Variants in NAA16 observed in about 807,000 individuals in gnomAD.
The protein encoded by NAA16 is N-alpha-acetyltransferase 16, NatA auxiliary subunit, also known as NARG1-like protein.
NAA16 carries 97 observed loss-of-function variants against 110.3 expected under a neutral mutation model. That is an observed-to-expected ratio of 0.88 (90% CI 0.75 to 1.04). The LOEUF (loss-of-function observed/expected upper bound fraction) is 1.04, where lower values mean the gene tolerates loss of function less well. Ranked by LOEUF, NAA16 falls within the 50% of genes least tolerant of loss-of-function variation. The pLI is 0.00. For synonymous variants in NAA16, 372 were observed against 330.6 expected, an observed-to-expected ratio of 1.13 and a Z score of -1.36; for missense variants, 1,017 against 1,005.1, an observed-to-expected ratio of 1.01 and a Z score of -0.16.
Position 41,324,373 on chromosome 13 carries a change from T to C in NAA16, c.537+1183T>C, listed in dbSNP as rs938371345. 3.1e-3 allele frequency among the ~76,000 whole-genome samples: 408 copies of C among 129,882 alleles called. 1 individual carries two copies. Among genetic ancestry groups the C allele is most frequent in the Non-Finnish European group, 5.2e-3 (318 of 61,258 alleles). 85.2% of individuals were successfully genotyped at this position (129,882 alleles called of 152,430 possible). A position where few individuals can be genotyped will look rare whatever the true frequency, so the allele number is the denominator to read the frequency against. On this transcript the variant is annotated intron_variant, in intron 5 of 19. Coordinates refer to ENST00000379406, the MANE Select transcript of NAA16 (RefSeq NM_024561.5). ...GCAATTTCTTTCTTTCTTTTTTTTT[T>C]TTTTTTTTTTTTTTTTTTTTGAGAC...
intron 8 of NAA16, among the ~76,000 whole-genome samples, chr13:41,334,960 T>C (rs1289179376): frequency 6.6e-6 from 1 of 152,218 alleles, no homozygotes; most frequent in Non-Finnish European, 1.5e-5. Context: ...GATGGATTGC[T>C]GCGCACCTGG....
chr13:41,313,861 T>G (rs1292625660), intron 1 of NAA16, among the ~76,000 whole-genome samples: 1 of 114,596 alleles, frequency 8.7e-6, no homozygotes, highest in Non-Finnish European at 1.9e-5. Flanking sequence ...GAATGTAGAT[T>G]TGTCTTTTTT....
At chr13:41,353,815 T>G (rs1285708982) in intron 9 of NAA16, among the ~76,000 whole-genome samples, 1 of 151,456 alleles carries the variant, frequency 6.6e-6, no homozygotes, top group African/African-American at 2.4e-5. Flanking sequence ...CAAAACAGAT[T>G]GTACAGAATA....
intron 10 of NAA16, among the ~76,000 whole-genome samples, chr13:41,356,599 G>A (rs1049686689): frequency 6.6e-6 from 1 of 152,094 alleles, no homozygotes; most frequent in Non-Finnish European, 1.5e-5. Flanking sequence ...TCCAAAAGAA[G>A]TCTTTGTGTT....
At chr13:41,356,625 T>C (rs1237420864) in intron 10 of NAA16, among the ~76,000 whole-genome samples, 3 of 152,342 alleles carry the variant, frequency 2.0e-5, no homozygotes, top group Admixed American at 6.5e-5. Flanking sequence ...TATTTGAGTA[T>C]AGATCCAGTT....
intron 1 of NAA16, among the ~76,000 whole-genome samples, chr13:41,312,379 G>A (rs550037093): frequency 2.0e-5 from 3 of 152,286 alleles, no homozygotes; most frequent in African/African-American, 7.2e-5. Context: ...CCGCTGCGGA[G>A]CCGGGTGGGC....
At chr13:41,326,626 C>G (rs2042098721) in intron 6 of NAA16, among the ~76,000 whole-genome samples, 1 of 152,148 alleles carries the variant, frequency 6.6e-6, no homozygotes, top group Admixed American at 6.5e-5. Context: ...AGGTTAAGGA[C>G]TTGCCCAAAG....
chr13:41,337,542 CAAA>C (rs11370011), intron 9 of NAA16, among the ~76,000 whole-genome samples: 1 of 134,384 alleles, frequency 7.4e-6, no homozygotes, highest in African/African-American at 2.8e-5. Context: ...GACTCCGTCT[CAAA>C]AAAAAAAAAA....
In NAA16 at chr13:41,372,976, C is replaced by T. The variant is rs1265302221; in HGVS notation, c.2155+146C>T. 7 of 1,106,100 alleles carry T rather than the reference C, an allele frequency of 6.3e-6. No homozygotes were observed. In the African/African-American group the frequency reaches 1.1e-4, roughly 18 times the overall value. The allele number at this position is 1,106,100 out of a possible 1,614,324, so 68.5% of individuals were successfully genotyped here. A position where few individuals can be genotyped will look rare whatever the true frequency, so the allele number is the denominator to read the frequency against. ...GATTTGTATTTTCATGATACAAATC[C>T]TCTGATCATGGCCCAAGCTGTCAGT... On this transcript the variant is annotated intron_variant, in intron 17 of 19. Transcript: ENST00000379406.
intron 4 of NAA16, 84 bp from the exon 5 acceptor site, chr13:41,322,972 A>G (rs2139385624): frequency 1.7e-6 from 2 of 1,189,768 alleles, no homozygotes; most frequent in Non-Finnish European, 2.5e-6. Flanking sequence ...TTCATTAGAA[A>G]TGTGTTAAAG....
intron 6 of NAA16, 70 bp downstream of exon 6, chr13:41,325,921 T>C: frequency 7.8e-7 from 1 of 1,280,896 alleles, no homozygotes; most frequent in Non-Finnish European, 1.1e-6. Flanking sequence ...TATTCTCTCC[T>C]AAGTCTTACG....
rs1355407382 is a variant in NAA16, at chr13:41,358,949, C to G, written c.1397C>G (p.Ser466Cys). Residue 466 changes from serine to cysteine, a missense_variant, in exon 12 of 20, where the codon TCC becomes TGC. By Grantham distance (112) the Ser-to-Cys change is moderately radical. Transcript: ENST00000379406. Reference protein sequence around the residue: ...NMIKEAEEMCSKFTREGTSAM... With the variant: ...NMIKEAEEMCCKFTREGTSAM... ...ATAAAAGAAGCAGAGGAAATGTGCT[C>G]CAAGTTCACAAGGGTAGGAAATAGC... 1 of 1,607,192 alleles carries G rather than the reference C, an allele frequency of 6.2e-7. No individual in the cohort carries two copies. The highest frequency in any genetic ancestry group is 1.1e-5 in the South Asian group (1 of 90,280).
intron 7 of NAA16, among the ~76,000 whole-genome samples, chr13:41,330,994 T>C (rs1326014013): frequency 1.3e-5 from 2 of 152,074 alleles, no homozygotes; most frequent in East Asian, 3.9e-4. Context: ...GCAGCATATC[T>C]TGAGTCTGTG....
chr13:41,351,522 A>C (rs1350819254), intron 9 of NAA16, among the ~76,000 whole-genome samples: 1 of 152,312 alleles, frequency 6.6e-6, no homozygotes, highest in Admixed American at 6.5e-5. Context: ...TTGCGAAAAA[A>C]ATGTGTATCG....
intron 18 of NAA16, chr13:41,374,342 A>G (rs2043386868): frequency 6.4e-6 from 1 of 155,062 alleles, no homozygotes; most frequent in Non-Finnish European, 1.4e-5. Context: ...TAGATGTTTT[A>G]TTTTAGAATA....
At chr13:41,358,710 G>T (rs2043046879) in intron 11 of NAA16, 100 bp from the exon 12 acceptor site, 2 of 1,458,476 alleles carry the variant, frequency 1.4e-6, no homozygotes, top group East Asian at 2.3e-5. Context: ...TGACAGAAAT[G>T]GTGACAGATT....
chr13:41,350,640 A>G (rs1275877441), intron 9 of NAA16, among the ~76,000 whole-genome samples: 3 of 136,370 alleles, frequency 2.2e-5, no homozygotes, highest in Non-Finnish European at 3.1e-5. Flanking sequence ...TTTTTTTAAG[A>G]TAAGAGTTTC....
At chr13:41,340,646 AGTTTTTTTTTTTTTTTTTT>A (rs2042512841) in intron 9 of NAA16, among the ~76,000 whole-genome samples, 2 of 83,748 alleles carry the variant, frequency 2.4e-5, no homozygotes, top group African/African-American at 8.0e-5. Flanking sequence ...GTTTTGAGTG[AGTTTTTTTTTTTTTTTTTT>A]TTTTTTTTTT....
chr13:41,354,709 G>A (rs948031406), intron 9 of NAA16: 2 of 152,436 alleles, frequency 1.3e-5, no homozygotes, highest in African/African-American at 2.4e-5. Flanking sequence ...AAGAAACCCC[G>A]TAATTATAGT....
Sources: allele counts gnomAD v4.1 joint callset (sites outside exome capture counted in the v4.1 genomes callset), GRCh38; gene constraint gnomAD v4.1.1; transcripts MANE v1.5; gene names NCBI Gene and HGNC (gene_info 2026-07-23, HGNC 2026-07-21).